TEX26: variants seen among roughly 807,000 people sequenced by gnomAD.
The protein encoded by TEX26 is testis expressed 26, also known as testis-expressed protein 26.
A neutral mutation model predicts 35.3 loss-of-function variants in TEX26; 34 were observed. The ratio of observed to expected loss-of-function variants is 0.96; its 90% CI spans 0.73 to 1.28. The LOEUF is 1.28. Among genes scored for constraint, TEX26 ranks in the 50% most tolerant of loss-of-function variants. The probability of loss-of-function intolerance (pLI) is 0.00; values close to 1 mark genes in which losing one functional copy is unlikely to be tolerated. For synonymous variants in TEX26, 136 were observed against 111.8 expected, an observed-to-expected ratio of 1.22 and a Z score of -1.36; for missense variants, 371 against 330.1, an observed-to-expected ratio of 1.12 and a Z score of -0.96.
At chr13:30,964,751 A>T (rs928945025) in intron 4 of TEX26, among the ~76,000 whole-genome samples, 9 of 152,196 alleles carry the variant, frequency 5.9e-5, no homozygotes, top group African/African-American at 2.2e-4. Flanking sequence ...TTGCAGCATC[A>T]TCCCCTGATG....
At chr13:30,962,342 G>T (rs1008042054) in intron 4 of TEX26, among the ~76,000 whole-genome samples, 10 of 152,190 alleles carry the variant, frequency 6.6e-5, no homozygotes, top group Non-Finnish European at 1.3e-4. Context: ...CCACCCTCAT[G>T]ACCTTGCCAG....
chr13:30,964,208 TG>T (rs944467033), intron 4 of TEX26, among the ~76,000 whole-genome samples: 2 of 152,208 alleles, frequency 1.3e-5, no homozygotes, highest in African/African-American at 4.8e-5. Flanking sequence ...CTTAAGCACA[TG>T]GGCGGTTTGT....
At chr13:30,954,255 AAT>A (rs1954038645) in intron 3 of TEX26, among the ~76,000 whole-genome samples, 1 of 141,352 alleles carries the variant, frequency 7.1e-6, no homozygotes, top group Non-Finnish European at 1.5e-5. Flanking sequence ...CCTGAAAAAA[AAT>A]ATATATATTT....
intron 4 of TEX26, among the ~76,000 whole-genome samples, chr13:30,957,694 C>A (rs1357508441): frequency 6.6e-6 from 1 of 152,188 alleles, no homozygotes; most frequent in Non-Finnish European, 1.5e-5. Flanking sequence ...GAGGCAGGAT[C>A]TGCAAGGTGG....
At chr13:30,958,171 T>C (rs926088459) in intron 4 of TEX26, among the ~76,000 whole-genome samples, 2 of 152,150 alleles carry the variant, frequency 1.3e-5, no homozygotes, top group South Asian at 2.1e-4. Flanking sequence ...TGTTTTTTTG[T>C]AGGGTAAGTA....
intron 2 of TEX26, among the ~76,000 whole-genome samples, chr13:30,943,797 A>C (rs1953602948): frequency 6.6e-6 from 1 of 152,096 alleles, no homozygotes; most frequent in South Asian, 2.1e-4. Flanking sequence ...GCATGCCTGC[A>C]TCCCTGGGAT....
intron 4 of TEX26, among the ~76,000 whole-genome samples, chr13:30,959,293 G>A (rs972842280): frequency 4.6e-5 from 7 of 152,042 alleles, no homozygotes; most frequent in African/African-American, 1.7e-4. Context: ...TTCCTCATTG[G>A]CAGTCAATTT....
chr13:30,936,190 T>C (rs1953266891), intron 1 of TEX26, among the ~76,000 whole-genome samples: 2 of 152,138 alleles, frequency 1.3e-5, no homozygotes, highest in Admixed American at 6.5e-5. Flanking sequence ...TAAAATAATA[T>C]ATGTGAAAAT....
rs370042718 is a variant in TEX26 at position 30,966,414 on chromosome 13, G to A, written c.646+16G>A. 1.6e-6 allele frequency: 2 copies of A among 1,231,962 alleles called. No homozygotes were observed. The highest frequency in any genetic ancestry group is 1.7e-5 in the African/African-American group (1 of 59,252). The allele number at this position is 1,231,962 out of a possible 1,614,324, so 76.3% of individuals were successfully genotyped here. ...CAGGGTCTAGGTGAGTACAGCTGCA[G>A]TTTCTTTTTCTTTTTCTCTTTTTTT... On this transcript the variant is annotated intron_variant, in intron 5 of 6. Transcript: ENST00000380473.
intron 6 of TEX26, among the ~76,000 whole-genome samples, chr13:30,972,484 T>A (rs934839786): frequency 2.0e-5 from 3 of 152,184 alleles, no homozygotes; most frequent in Non-Finnish European, 4.4e-5. Context: ...TGCTATAAAT[T>A]CTTTGGTAAT....
intron 2 of TEX26, among the ~76,000 whole-genome samples, chr13:30,948,404 G>GTTTCCTGACTTTTTAA (rs1156701256): frequency 3.3e-5 from 5 of 152,158 alleles, no homozygotes; most frequent in Admixed American, 2.0e-4. Context: ...AGCACCTGTT[G>GTTTCCTGACTTTTTAA]TTTCCTGACT....
intron 6 of TEX26, chr13:30,973,239 A>C (rs1227646007): frequency 6.6e-6 from 1 of 152,234 alleles, no homozygotes; most frequent in Non-Finnish European, 1.5e-5. Flanking sequence ...AAAACATATG[A>C]ACCTCAAAAA....
chr13:30,933,590 G>T (rs1002036), intron 1 of TEX26: 29,738 of 152,208 alleles, frequency 0.2, 3,378 homozygotes, highest in East Asian at 0.38. Flanking sequence ...CTAGAATTGT[G>T]CTCCCAAAAG....
intron 2 of TEX26, among the ~76,000 whole-genome samples, chr13:30,949,731 T>C (rs1953850584): frequency 6.6e-6 from 1 of 152,066 alleles, no homozygotes; most frequent in Non-Finnish European, 1.5e-5. Context: ...AAAAGCATAA[T>C]GTTTCCTAAA....
intron 3 of TEX26, 54 bp from the exon 4 acceptor site, chr13:30,956,819 T>A: frequency 2.0e-6 from 3 of 1,487,590 alleles, no homozygotes; most frequent in East Asian, 2.3e-5. Flanking sequence ...AGATTATTGA[T>A]CCTATTGGGT....
chr13:30,948,252 C>A (rs972265125), intron 2 of TEX26, among the ~76,000 whole-genome samples: 1 of 152,136 alleles, frequency 6.6e-6, no homozygotes, highest in African/African-American at 2.4e-5. Context: ...TGGGTACATA[C>A]CTAGTAATGG....
chr13:30,950,998 G>C (rs117417402), intron 2 of TEX26, among the ~76,000 whole-genome samples: 2,251 of 152,284 alleles, frequency 0.015, 24 homozygotes, highest in Middle Eastern at 0.031. Context: ...AGAGTATATT[G>C]AGAAATTGAG....
chr13:30,946,940 C>A lies in TEX26; in HGVS notation c.147-5720C>A, dbSNP rs552564801. Among the ~76,000 whole-genome samples, 54 of 152,126 alleles carry A rather than the reference C, an allele frequency of 3.5e-4. 1 individual carries two copies. In the South Asian group the frequency reaches 0.011, roughly 30 times the overall value. ...TTCTATTTGATCATTTATTTCATTT[C>A]TTTCTCTTCTTGAACTCTCATTCCC... is the stretch of plus-strand genomic sequence containing the variant. On this transcript the variant is annotated intron_variant, in intron 2 of 6. Coordinates refer to ENST00000380473, the MANE Select transcript of TEX26 (RefSeq NM_152325.3).
rs533201895 is a variant in TEX26, at chr13:30,952,684, A to G, written c.171A>G (p.Gly57=). Residue 57 remains glycine, a synonymous_variant, in exon 3 of 7, where the codon GGA becomes GGG. Transcript: ENST00000380473. ...GCCAAAACGGTATCAGAAGATTAGG[A>G]TATACATATTCACTTAGTGATCCTA... ...LIRQNGIRRL[G]YTYSLSDPIL... is the part of the protein sequence containing the mutation. 79 of 1,606,150 alleles carry G rather than the reference A, an allele frequency of 4.9e-5. No individual in the cohort carries two copies. In the East Asian group the frequency reaches 1.3e-3, roughly 27 times the overall value.
Sources: gnomAD v4.1 joint callset for allele counts (sites outside exome capture counted in the v4.1 genomes callset) on GRCh38, gnomAD v4.1.1 for gene constraint, MANE v1.5 for transcripts, NCBI Gene and HGNC (gene_info 2026-07-23, HGNC 2026-07-21) for gene names.